SETBP1: variants seen among roughly 807,000 people sequenced by gnomAD.
SETBP1 encodes the protein SET-binding protein.
Under a neutral mutation model 101.0 loss-of-function variants are expected in SETBP1, and 9 were observed. That is an observed-to-expected ratio of 0.09 (90% CI 0.05 to 0.16). The LOEUF (loss-of-function observed/expected upper bound fraction) is 0.16, where lower values mean the gene tolerates loss of function less well. Among genes scored for constraint, SETBP1 ranks in the 10% least tolerant of loss-of-function variants. The pLI, the probability that SETBP1 is intolerant of heterozygous loss-of-function variation, is 1.00. For missense variants in SETBP1, 1,858 were observed against 2,033.8 expected, an observed-to-expected ratio of 0.91 and a Z score of 1.66; for synonymous variants, 818 against 788.5, an observed-to-expected ratio of 1.04 and a Z score of -0.63.
At chr18:44,720,901 A>ACG (rs2069572890) in intron 2 of SETBP1, among the ~76,000 whole-genome samples, 2 of 90,404 alleles carry the variant, frequency 2.2e-5, no homozygotes, top group Non-Finnish European at 4.7e-5. Flanking sequence ...GAGCCCTCCA[A>ACG]CCCCCACCCC....
chr18:44,854,497 G>A (rs2072933787), intron 2 of SETBP1, among the ~76,000 whole-genome samples: 1 of 152,162 alleles, frequency 6.6e-6, no homozygotes, highest in African/African-American at 2.4e-5. Context: ...AACCCACTGT[G>A]TGTTAGTGTT....
At chr18:44,849,792 T>C (rs2072810335) in intron 2 of SETBP1, among the ~76,000 whole-genome samples, 1 of 152,184 alleles carries the variant, frequency 6.6e-6, no homozygotes, top group Admixed American at 6.5e-5. Context: ...AAAATGGAAT[T>C]ACGGTGTCTA....
At chr18:45,008,008 A>G (rs1354917277) in intron 4 of SETBP1, among the ~76,000 whole-genome samples, 1 of 152,146 alleles carries the variant, frequency 6.6e-6, no homozygotes, top group East Asian at 1.9e-4. Context: ...TGAGATACCA[A>G]AGCTGGCTTT....
chr18:44,790,837 C>T (rs1412582863), intron 2 of SETBP1, among the ~76,000 whole-genome samples: 1 of 146,606 alleles, frequency 6.8e-6, no homozygotes, highest in African/African-American at 2.7e-5. Context: ...TTAGAGAAGC[C>T]TAAACTTTGG....
At chr18:44,853,264 A>G (rs2072908053) in intron 2 of SETBP1, among the ~76,000 whole-genome samples, 1 of 152,116 alleles carries the variant, frequency 6.6e-6, no homozygotes, top group Non-Finnish European at 1.5e-5. Flanking sequence ...CCATGTGAAG[A>G]GATTTAGAGG....
chr18:44,965,284 A>AAC (rs60728043), intron 4 of SETBP1, among the ~76,000 whole-genome samples: 2,993 of 146,166 alleles, frequency 0.02, 45 homozygotes, highest in African/African-American at 0.037. Flanking sequence ...CATGCACACA[A>AAC]ACACACACAC....
Position 44,813,026 on chromosome 18 carries a change from A to G in SETBP1, c.487-56204A>G, listed in dbSNP as rs968959025. ...CATTCTGAGAATCAGTTGTCCACAGAACAGAGAGGATACAGGATGTAAAAA... is the reference window on the plus strand; with the variant it reads ...CATTCTGAGAATCAGTTGTCCACAGGACAGAGAGGATACAGGATGTAAAAA... On this transcript the variant is annotated intron_variant, in intron 2 of 5. Transcript: ENST00000649279. Among the ~76,000 whole-genome samples the G allele has an allele frequency of 2.6e-5, 4 of 152,220 alleles. No individual in the cohort carries two copies. In the East Asian group the frequency reaches 7.7e-4, roughly 29 times the overall value.
intron 2 of SETBP1, among the ~76,000 whole-genome samples, chr18:44,868,164 G>A (rs958127686): frequency 3.3e-5 from 5 of 152,104 alleles, no homozygotes; most frequent in African/African-American, 1.2e-4. Flanking sequence ...CGTAACTTTA[G>A]TCTTTAATAT....
At chr18:44,956,233 C>T (rs1028805113) in intron 4 of SETBP1, among the ~76,000 whole-genome samples, 4 of 151,932 alleles carry the variant, frequency 2.6e-5, no homozygotes, top group Admixed American at 6.6e-5. Flanking sequence ...GCTTATATCT[C>T]GAATGTCTCC....
At chr18:44,872,234 C>A (rs1464022841) in intron 3 of SETBP1, 2 of 152,050 alleles carry the variant, frequency 1.3e-5, no homozygotes, top group Non-Finnish European at 2.9e-5. Context: ...ATGCTTTTTT[C>A]CCTCTAATAT....
At chr18:44,762,312 G>A (rs1236372801) in intron 2 of SETBP1, among the ~76,000 whole-genome samples, 1 of 152,140 alleles carries the variant, frequency 6.6e-6, no homozygotes, top group African/African-American at 2.4e-5. Context: ...TATTACCCTA[G>A]GCCCTGAGTT....
intron 2 of SETBP1, among the ~76,000 whole-genome samples, chr18:44,841,066 A>G (rs1159369545): frequency 6.6e-6 from 1 of 152,244 alleles, no homozygotes; most frequent in Non-Finnish European, 1.5e-5. Context: ...GCTTAAAACG[A>G]TAAGCATTTA....
intron 3 of SETBP1, among the ~76,000 whole-genome samples, chr18:44,915,759 T>C (rs536607216): frequency 5.3e-5 from 8 of 152,202 alleles, no homozygotes; most frequent in Non-Finnish European, 1.2e-4. Flanking sequence ...CTGTGTGCCC[T>C]AGGCAAAGTA....
At chr18:44,909,562 A>C (rs1448462489) in intron 3 of SETBP1, among the ~76,000 whole-genome samples, 1 of 152,202 alleles carries the variant, frequency 6.6e-6, no homozygotes, top group Non-Finnish European at 1.5e-5. Flanking sequence ...AGCAGAAAGC[A>C]ATCAAACCAC....
rs190324106 is a variant in SETBP1, at chr18:44,812,846, T to C, written c.487-56384T>C. Among the ~76,000 whole-genome samples, 811 of 152,372 alleles carry C rather than the reference T, an allele frequency of 5.3e-3. 4 individuals are homozygous for C. The highest frequency in any genetic ancestry group is 9.7e-3 in the Non-Finnish European group (661 of 68,032). On this transcript the variant is annotated intron_variant, in intron 2 of 5. Transcript: ENST00000649279. Reference sequence around the variant, plus strand: ...TGAGGGCTAAAATGTGAGAAAATGCTACACTTCAGCAGGCCTGGGATTTCT... The same window carrying C: ...TGAGGGCTAAAATGTGAGAAAATGCCACACTTCAGCAGGCCTGGGATTTCT...
intron 2 of SETBP1, among the ~76,000 whole-genome samples, chr18:44,717,736 G>T (rs1390397073): frequency 6.6e-6 from 1 of 152,176 alleles, no homozygotes; most frequent in Admixed American, 6.5e-5. Flanking sequence ...CTCACTGGTG[G>T]ACTAAGCCTG....
chr18:44,838,326 A>G (rs2072539522), intron 2 of SETBP1, among the ~76,000 whole-genome samples: 1 of 152,172 alleles, frequency 6.6e-6, no homozygotes, highest in Non-Finnish European at 1.5e-5. Context: ...CACCCTGCGC[A>G]GTGTCTTCTT....
intron 2 of SETBP1, among the ~76,000 whole-genome samples, chr18:44,832,591 A>C (rs1188143887): frequency 1.3e-5 from 2 of 152,162 alleles, no homozygotes; most frequent in African/African-American, 4.8e-5. Context: ...TAGCATCAGG[A>C]TATTTGCTAG....
At chr18:44,773,978 A>G (rs191920112) in intron 2 of SETBP1, among the ~76,000 whole-genome samples, 2 of 152,102 alleles carry the variant, frequency 1.3e-5, no homozygotes, top group East Asian at 1.9e-4. Context: ...TCCTACCACA[A>G]CCACTTATAG....
Sources: allele counts gnomAD v4.1 joint callset (sites outside exome capture counted in the v4.1 genomes callset), GRCh38; gene constraint gnomAD v4.1.1; transcripts MANE v1.5; gene names NCBI Gene and HGNC (gene_info 2026-07-23, HGNC 2026-07-21).